Variants in DOCK10 observed in about 807,000 individuals in gnomAD.
DOCK10 encodes the protein dedicator of cytokinesis protein 10.
DOCK10 carries 145 observed loss-of-function variants against 280.1 expected under a neutral mutation model. The ratio of observed to expected loss-of-function variants is 0.52; its 90% CI spans 0.45 to 0.59. The LOEUF is 0.59. Ranked by LOEUF, DOCK10 falls within the 20% of genes least tolerant of loss-of-function variation. The probability of loss-of-function intolerance (pLI) is 0.00; values close to 1 mark genes in which losing one functional copy is unlikely to be tolerated. For synonymous variants in DOCK10, 915 were observed against 942.2 expected (o/e 0.97, Z 0.53); for missense variants, 2,368 against 2,651.7 (o/e 0.89, Z 2.35).
intron 1 of DOCK10, among the ~76,000 whole-genome samples, chr2:224,988,216 C>T (rs1279469891): frequency 6.6e-6 from 1 of 152,180 alleles, no homozygotes; most frequent in Non-Finnish European, 1.5e-5. Context: ...CAGTCCTTAT[C>T]ACGGTACCCT....
intron 1 of DOCK10, among the ~76,000 whole-genome samples, chr2:225,022,495 T>C (rs1275664330): frequency 6.6e-6 from 1 of 152,146 alleles, no homozygotes; most frequent in Non-Finnish European, 1.5e-5. Flanking sequence ...TAAAAACAAA[T>C]CTTCCTTCTC....
chr2:224,921,112 A>AAAAAAT, intron 2 of DOCK10, among the ~76,000 whole-genome samples: 1 of 54,416 alleles, frequency 1.8e-5, no homozygotes, highest in African/African-American at 1.6e-4. Flanking sequence ...AAAAAAAAAA[A>AAAAAAT]ATATATATAT....
chr2:224,797,524 T>C (rs569950038), intron 42 of DOCK10, among the ~76,000 whole-genome samples: 1 of 152,282 alleles, frequency 6.6e-6, no homozygotes, highest in South Asian at 2.1e-4. Flanking sequence ...TTTAACTTGA[T>C]ATGCACCCCT....
intron 1 of DOCK10, among the ~76,000 whole-genome samples, chr2:224,944,947 T>C (rs1420891915): frequency 2.0e-5 from 3 of 152,048 alleles, no homozygotes; most frequent in Non-Finnish European, 4.4e-5. Context: ...GCGTCCTTAC[T>C]GGCCGCTCTT....
At chr2:224,846,291 C>G (rs1574928595) in intron 19 of DOCK10, among the ~76,000 whole-genome samples, 1 of 152,132 alleles carries the variant, frequency 6.6e-6, no homozygotes, top group African/African-American at 2.4e-5. Context: ...AGACACACAT[C>G]AAGGAACTGT....
At chr2:225,039,364 G>A (rs1473413946) in intron 1 of DOCK10, among the ~76,000 whole-genome samples, 3 of 152,200 alleles carry the variant, frequency 2.0e-5, no homozygotes, top group Non-Finnish European at 4.4e-5. Context: ...ATCTTCGAAT[G>A]AGTTGTCTTT....
In DOCK10 at chr2:224,873,864, G is replaced by A. The variant is rs1698455592; in HGVS notation, c.1257+132C>T. On this transcript the variant is annotated intron_variant, in intron 11 of 55. Coordinates refer to ENST00000258390, the MANE Select transcript of DOCK10 (RefSeq NM_014689.3). The stretch of plus-strand genomic sequence containing the variant: ...CACTTGTGTAATGTGGGAAAAGGCT[G>A]TTAATAATATTCCCTGGTACACTAG... 26 of 909,942 alleles carry A rather than the reference G, an allele frequency of 2.9e-5. 1 individual carries two copies. The South Asian group carries it at 5.1e-4, about 18-fold the overall frequency. The allele number at this position is 909,942 out of a possible 1,614,324, so 56.4% of individuals were successfully genotyped here.
intron 4 of DOCK10, among the ~76,000 whole-genome samples, chr2:224,888,888 ATG>A (rs1451889883): frequency 1.3e-5 from 2 of 151,996 alleles, no homozygotes; most frequent in African/African-American, 4.8e-5. Flanking sequence ...GTATATATTA[ATG>A]TGTGTGTGTG....
In DOCK10 at chr2:224,802,035, T is replaced by C; in HGVS notation, c.4274A>G (p.His1425Arg). 1 of 1,611,532 alleles carries C rather than the reference T, an allele frequency of 6.2e-7. No homozygotes were observed. Among genetic ancestry groups the C allele is most frequent in the Non-Finnish European group, 8.5e-7 (1 of 1,178,840 alleles). Residue 1425 changes from histidine to arginine, a missense_variant, in exon 40 of 56, where the codon CAC (histidine) becomes CGC (arginine). Transcript: ENST00000258390. ...QTSGLLSQWM[H>R]STSSHEGHKQ... ...ATGGCCTTCATGACTGGAAGTGGAG[T>C]GCATCCTGAAAACAAAAAAAGAAAA...
intron 17 of DOCK10, among the ~76,000 whole-genome samples, chr2:224,852,695 TAGTC>T (rs1301060349): frequency 1.3e-5 from 2 of 152,108 alleles, no homozygotes; most frequent in Non-Finnish European, 2.9e-5. Flanking sequence ...CTAAAAAAAA[TAGTC>T]GAACAAAATT....
chr2:224,823,358 G>T, intron 28 of DOCK10, 143 bp downstream of exon 28: 1 of 627,272 alleles, frequency 1.6e-6, no homozygotes, highest in Non-Finnish European at 2.5e-6. Context: ...AAGCAATAAA[G>T]ATGTATAAAT....
rs115005717 is a variant in DOCK10, at chr2:224,899,953, C to T, written c.334-3576G>A. On this transcript the variant is annotated intron_variant, in intron 3 of 55. Coordinates refer to ENST00000258390, the MANE Select transcript of DOCK10 (RefSeq NM_014689.3). Reference sequence around the variant, plus strand: ...GACTGACTCCTGATGTGATCTTGGTCGAGACATTTTATTTGTTTGGATCTC... The same window carrying T: ...GACTGACTCCTGATGTGATCTTGGTTGAGACATTTTATTTGTTTGGATCTC... 9.8e-3 allele frequency among the ~76,000 whole-genome samples: 1,491 copies of T among 152,180 alleles called. 14 individuals are homozygous for T. The highest frequency in any genetic ancestry group is 0.015 in the Non-Finnish European group (1,017 of 68,006).
At chr2:224,851,447 C>CTT (rs34157478) in intron 18 of DOCK10, among the ~76,000 whole-genome samples, 113 of 116,842 alleles carry the variant, frequency 9.7e-4, no homozygotes, top group African/African-American at 3.1e-3. Context: ...TCAAGACCTT[C>CTT]TTTTTTTTTT....
chr2:224,775,222 C>G, intron 51 of DOCK10, 107 bp from the exon 52 acceptor site: 1 of 1,010,674 alleles, frequency 9.9e-7, no homozygotes, highest in Non-Finnish European at 1.5e-6. Flanking sequence ...GTGCCTCTCC[C>G]CTTGGAGAAA....
intron 3 of DOCK10, among the ~76,000 whole-genome samples, chr2:224,904,094 C>G (rs1260307308): frequency 6.6e-6 from 1 of 152,014 alleles, no homozygotes; most frequent in Non-Finnish European, 1.5e-5. Context: ...TTTGTTTTGG[C>G]CATGATAGGA....
chr2:224,865,091 C>A lies in DOCK10; in HGVS notation c.1258-4G>T, dbSNP rs575571579. The A allele has an allele frequency of 2.1e-5, 34 of 1,612,174 alleles. 1 individual carries two copies. In the South Asian group the frequency reaches 3.6e-4, roughly 17 times the overall value. ...CACTCACAAAAAAAGGCTCAATCTG[C>A]ATGAAAAAGAAAGAACAGATGTTTT... On this transcript the variant is annotated splice_polypyrimidine_tract_variant and splice_region_variant and intron_variant, in intron 11 of 55. Transcript: ENST00000258390.
chr2:224,927,804 G>A (rs373926935), intron 2 of DOCK10, among the ~76,000 whole-genome samples: 9 of 151,992 alleles, frequency 5.9e-5, no homozygotes, highest in Non-Finnish European at 1.3e-4. Context: ...TAAACAAACC[G>A]AGTAATGAAT....
intron 1 of DOCK10, chr2:224,947,160 T>C (rs751868151): frequency 6.5e-6 from 5 of 773,940 alleles, no homozygotes; most frequent in Non-Finnish European, 9.2e-6. Context: ...GTTCAGATAC[T>C]GCTTTTGTGC....
rs766194317 is a variant in DOCK10, at chr2:224,795,083, G to A, written c.4950C>T (p.Phe1650=). 5 of 1,613,808 alleles carry A rather than the reference G, an allele frequency of 3.1e-6. No individual in the cohort carries two copies. The South Asian group carries it at 5.5e-5, about 18-fold the overall frequency. Residue 1650 remains phenylalanine (F), a synonymous_variant, in exon 45 of 56, where the codon TTC becomes TTT. Transcript: ENST00000258390. The part of the protein sequence containing the change: ...NGDKQMKNSN[F]PAEVKDLTKR... Reference sequence around the variant, plus strand: ...TAGTCAGGTCCTTCACCTCTGCTGGGAAATTGCTGTTCTTTGGAAAAGAGA... The same window carrying A: ...TAGTCAGGTCCTTCACCTCTGCTGGAAAATTGCTGTTCTTTGGAAAAGAGA...
Sources: gnomAD v4.1 joint callset for allele counts (sites outside exome capture counted in the v4.1 genomes callset) on GRCh38, gnomAD v4.1.1 for gene constraint, MANE v1.5 for transcripts, NCBI Gene and HGNC (gene_info 2026-07-23, HGNC 2026-07-21) for gene names.